The following NALCN variants were observed in gnomAD, a reference collection of about 807,000 sequenced individuals.
The protein encoded by NALCN is sodium leak channel, non-selective, also known as sodium leak channel NALCN.
A neutral mutation model predicts 225.3 loss-of-function variants in NALCN; 111 were observed. The observed-to-expected ratio is 0.49, with a 90% confidence interval of 0.42 to 0.58. The LOEUF (loss-of-function observed/expected upper bound fraction) is 0.58, where lower values mean the gene tolerates loss of function less well. Ranked by LOEUF, NALCN falls within the 20% of genes least tolerant of loss-of-function variation. The pLI, the probability that NALCN is intolerant of heterozygous loss-of-function variation, is 0.00. For missense variants in NALCN, 1,378 were observed against 2,202.4 expected, an observed-to-expected ratio of 0.63 and a Z score of 7.49; for synonymous variants, 764 against 769.0, an observed-to-expected ratio of 0.99 and a Z score of 0.11.
chr13:101,307,975 G>A (rs1366393176), intron 7 of NALCN, among the ~76,000 whole-genome samples: 1 of 152,162 alleles, frequency 6.6e-6, no homozygotes, highest in Non-Finnish European at 1.5e-5. Context: ...TGGGTGTATT[G>A]GGTGTACCTT....
chr13:101,407,611 C>T (rs1050953887), intron 1 of NALCN, among the ~76,000 whole-genome samples: 1 of 152,068 alleles, frequency 6.6e-6, no homozygotes, highest in African/African-American at 2.4e-5. Context: ...CATTTGACAC[C>T]TCTCTGAAGT....
At chr13:101,315,414 T>A (rs1167058484) in intron 7 of NALCN, among the ~76,000 whole-genome samples, 1 of 152,108 alleles carries the variant, frequency 6.6e-6, no homozygotes, top group Non-Finnish European at 1.5e-5. Flanking sequence ...GCAGTATAGA[T>A]CTAGTAGCAC....
chr13:101,272,456 G>A (rs1397683996), intron 10 of NALCN, among the ~76,000 whole-genome samples: 3 of 152,158 alleles, frequency 2.0e-5, no homozygotes, highest in African/African-American at 4.8e-5. Flanking sequence ...AATGCCTATC[G>A]TGAATGAAGC....
intron 15 of NALCN, among the ~76,000 whole-genome samples, chr13:101,156,145 T>G (rs895862509): frequency 6.6e-6 from 1 of 152,124 alleles, no homozygotes; most frequent in African/African-American, 2.4e-5. Context: ...AGTCGGCTTC[T>G]CTAGTCTTCA....
At chr13:101,193,752 A>G (rs2039778241) in intron 13 of NALCN, among the ~76,000 whole-genome samples, 2 of 152,004 alleles carry the variant, frequency 1.3e-5, no homozygotes, top group African/African-American at 4.8e-5. Context: ...GTATTTCAGA[A>G]CTCATCATTG....
At position 101,083,689 on chromosome 13, in the gene NALCN, A is replaced by G. The variant is rs371006299; in HGVS notation, c.3583+22T>C. 1.1e-5 allele frequency: 18 copies of G among 1,609,606 alleles called. No homozygotes were observed. The African/African-American group carries it at 2.3e-4, about 20-fold the overall frequency. ...GTGCACACTAGTGCCCAACATGAAT[A>G]AAATCAGAGCATTTTGGGTACCCGG... On this transcript the variant is annotated intron_variant, in intron 31 of 43. Coordinates refer to ENST00000251127, the MANE Select transcript of NALCN (RefSeq NM_052867.4).
At chr13:101,144,455 C>T (rs1219493095) in intron 16 of NALCN, among the ~76,000 whole-genome samples, 1 of 152,216 alleles carries the variant, frequency 6.6e-6, no homozygotes, top group African/African-American at 2.4e-5. Flanking sequence ...CACTGAGCAG[C>T]TTCTCCAGTT....
At chr13:101,307,994 T>C (rs1446295012) in intron 7 of NALCN, among the ~76,000 whole-genome samples, 1 of 152,218 alleles carries the variant, frequency 6.6e-6, no homozygotes, top group Non-Finnish European at 1.5e-5. Flanking sequence ...TTTTGGATAT[T>C]CCATACGATT....
rs748611267 is a variant in NALCN, at chr13:101,237,873, C to T, written c.1316G>A (p.Cys439Tyr). The change falls in exon 12 of 44, where the codon TGT becomes TAT. Residue 439 changes from cysteine to tyrosine, a missense_variant. This residue lies in a region of NALCN where 144 missense variants were observed against 187.7 expected (regional missense o/e 0.77). Coordinates refer to ENST00000251127, the MANE Select transcript of NALCN (RefSeq NM_052867.4). ...FDLEALLKIW[C>Y]LGFTGYISSS... The stretch of plus-strand genomic sequence containing the variant: ...GCTAATATATCCAGTAAATCCCAAA[C>T]ACCATATCTTCAGAAGTGCTTCCAA... 2.3e-5 allele frequency: 37 copies of T among 1,604,910 alleles called. No individual in the cohort carries two copies. Among genetic ancestry groups the T allele is most frequent in the Non-Finnish European group, 3.1e-5 (37 of 1,176,040 alleles).
chr13:101,358,746 G>GT (rs1450213764), intron 6 of NALCN, among the ~76,000 whole-genome samples: 4 of 152,112 alleles, frequency 2.6e-5, no homozygotes, highest in Non-Finnish European at 4.4e-5. Context: ...ACATGTACAC[G>GT]TATGTTTCTT....
At chr13:101,126,916 T>C (rs1410901838) in intron 17 of NALCN, among the ~76,000 whole-genome samples, 1 of 152,192 alleles carries the variant, frequency 6.6e-6, no homozygotes, top group Non-Finnish European at 1.5e-5. Context: ...GTGGAGCATC[T>C]GCTCTTTAGA....
At chr13:101,209,819 T>C (rs1303056918) in intron 13 of NALCN, among the ~76,000 whole-genome samples, 1 of 152,184 alleles carries the variant, frequency 6.6e-6, no homozygotes, top group Admixed American at 6.5e-5. Flanking sequence ...AATGTGACAT[T>C]TGTCTAGAAT....
intron 18 of NALCN, among the ~76,000 whole-genome samples, chr13:101,123,816 GAGAATGC>G (rs2036097709): frequency 6.6e-6 from 1 of 152,152 alleles, no homozygotes; most frequent in Non-Finnish European, 1.5e-5. Context: ...GCATTCTGGA[GAGAATGC>G]ATTAATGTCT....
In NALCN at chr13:101,065,524, C is replaced by T. The variant is rs2032303314; in HGVS notation, c.4484G>A (p.Arg1495Gln). 3 of 1,614,096 alleles carry T rather than the reference C, an allele frequency of 1.9e-6. No individual in the cohort carries two copies. Among genetic ancestry groups the T allele is most frequent in the South Asian group, 1.1e-5 (1 of 91,086 alleles). ...CACCTCCAGCCTCCCACGCAGTAGC[C>T]GCAGCAGGAACTTGACGCGGAACGT... is the stretch of plus-strand genomic sequence containing the variant. The part of the protein sequence containing the change: ...IPTFRVKFLL[R>Q]LLRGRLEVDL... The change falls in exon 40 of 44, where the codon CGG becomes CAG. Residue 1495 changes from arginine to glutamine, a missense_variant. Transcript: ENST00000251127.
chr13:101,110,659 C>T lies in NALCN; in HGVS notation c.2324G>A (p.Arg775Lys), dbSNP rs749976585. 3 of 1,613,974 alleles carry T rather than the reference C, an allele frequency of 1.9e-6. No homozygotes were observed. In the Admixed American group the frequency reaches 5.0e-5, roughly 27 times the overall value. Reference protein sequence around the residue: ...RSLRHGSNSQRISRGKSLETL... With the variant: ...RSLRHGSNSQKISRGKSLETL... Reference sequence around the variant, plus strand: ...TTCAAGAGATTTTCCCCTGCTGATCCTCTGGCTGTTTGATCCATGTCTTAG... The same window carrying T: ...TTCAAGAGATTTTCCCCTGCTGATCTTCTGGCTGTTTGATCCATGTCTTAG... The change falls in exon 20 of 44, where the codon AGG becomes AAG. Residue 775 changes from arginine to lysine, a missense_variant. Coordinates refer to ENST00000251127, the MANE Select transcript of NALCN (RefSeq NM_052867.4).
chr13:101,258,595 G>C, intron 10 of NALCN, 21 bp from the exon 11 acceptor site: 2 of 1,613,972 alleles, frequency 1.2e-6, no homozygotes, highest in Non-Finnish European at 1.7e-6. Flanking sequence ...GAAACAGACA[G>C]ACTCTTAACA....
At chr13:101,110,048 C>T (rs1169382481) in intron 20 of NALCN, among the ~76,000 whole-genome samples, 1 of 152,194 alleles carries the variant, frequency 6.6e-6, no homozygotes, top group East Asian at 1.9e-4. Context: ...TATCTTATTA[C>T]CCCACTGCTC....
chr13:101,176,948 G>C (rs986002810), intron 14 of NALCN, among the ~76,000 whole-genome samples: 2 of 152,144 alleles, frequency 1.3e-5, no homozygotes, highest in African/African-American at 4.8e-5. Context: ...GTCATCAGCA[G>C]GTTGCAGAAA....
At chr13:101,281,568 G>C (rs562013363) in intron 10 of NALCN, among the ~76,000 whole-genome samples, 1 of 152,286 alleles carries the variant, frequency 6.6e-6, no homozygotes, top group African/African-American at 2.4e-5. Context: ...ATCAAATATA[G>C]GATGGAAGGA....
Sources: allele counts gnomAD v4.1 joint callset (sites outside exome capture counted in the v4.1 genomes callset), GRCh38; gene constraint gnomAD v4.1.1; regional missense constraint gnomAD v4.1.1; transcripts MANE v1.5; gene names NCBI Gene and HGNC (gene_info 2026-07-23, HGNC 2026-07-21).